The following FGF14 variants were observed in gnomAD, a reference collection of about 807,000 sequenced individuals.
FGF14 encodes fibroblast growth factor homologous factor 4.
Under a neutral mutation model 25.5 loss-of-function variants are expected in FGF14, and 5 were observed. That is an observed-to-expected ratio of 0.20 (90% CI 0.10 to 0.41). FGF14 has a LOEUF of 0.41. Among genes scored for constraint, FGF14 ranks in the 10% least tolerant of loss-of-function variants. The pLI is 1.00. For synonymous variants in FGF14, 138 were observed against 118.3 expected (o/e 1.17, Z -1.08); for missense variants, 222 against 320.1 (o/e 0.69, Z 2.34).
chr13:102,218,265 T>A (rs2050459513), intron 1 of FGF14, among the ~76,000 whole-genome samples: 1 of 151,980 alleles, frequency 6.6e-6, no homozygotes, highest in Non-Finnish European at 1.5e-5. Flanking sequence ...TTTCCTTCCA[T>A]CTGATTTGTT....
chr13:101,759,747 T>A (rs969466923), intron 3 of FGF14, among the ~76,000 whole-genome samples: 1 of 152,198 alleles, frequency 6.6e-6, no homozygotes, highest in African/African-American at 2.4e-5. Flanking sequence ...TTCTCAGTCC[T>A]TAAGATCCTG....
At chr13:102,001,526 T>A (rs542026047) in intron 1 of FGF14, among the ~76,000 whole-genome samples, 2 of 152,316 alleles carry the variant, frequency 1.3e-5, no homozygotes, top group African/African-American at 2.4e-5. Flanking sequence ...GGAGATCAAA[T>A]GATCCACATG....
intron 3 of FGF14, among the ~76,000 whole-genome samples, chr13:101,816,730 A>C (rs970864329): frequency 1.3e-5 from 2 of 152,168 alleles, no homozygotes; most frequent in Non-Finnish European, 2.9e-5. Flanking sequence ...ATCTGATTAT[A>C]AAATTCTAGG....
intron 1 of FGF14, among the ~76,000 whole-genome samples, chr13:102,089,947 G>C (rs55807694): frequency 1.3e-5 from 2 of 152,192 alleles, no homozygotes; most frequent in East Asian, 1.9e-4. Flanking sequence ...TCATTGTCAG[G>C]CCTTGTCTTT....
intron 3 of FGF14, among the ~76,000 whole-genome samples, chr13:101,825,867 G>A (rs1343494507): frequency 6.6e-6 from 1 of 152,038 alleles, no homozygotes; most frequent in African/African-American, 2.4e-5. Flanking sequence ...TTGTAAGGGG[G>A]TTGAATTTGA....
intron 3 of FGF14, among the ~76,000 whole-genome samples, chr13:101,816,096 C>T (rs1402282755): frequency 6.6e-6 from 1 of 151,198 alleles, no homozygotes; most frequent in African/African-American, 2.4e-5. Context: ...CGGTGAAACC[C>T]CGTTTCTACT....
At chr13:101,879,980 A>G (rs2138787239) in intron 1 of FGF14, among the ~76,000 whole-genome samples, 1 of 152,310 alleles carries the variant, frequency 6.6e-6, no homozygotes, top group South Asian at 2.1e-4. Context: ...TAGGGACACT[A>G]AGGAAAATGA....
At chr13:101,731,902 G>A (rs2035835556) in intron 3 of FGF14, among the ~76,000 whole-genome samples, 1 of 152,194 alleles carries the variant, frequency 6.6e-6, no homozygotes, top group Non-Finnish European at 1.5e-5. Flanking sequence ...GCGTGGTCGA[G>A]AAAGATCTTT....
intron 1 of FGF14, among the ~76,000 whole-genome samples, chr13:102,104,405 G>A (rs1180900826): frequency 6.6e-6 from 1 of 152,058 alleles, no homozygotes; most frequent in Non-Finnish European, 1.5e-5. Flanking sequence ...CTTGCCATAG[G>A]TCACACAATT....
At chr13:101,771,704 G>A (rs554775810) in intron 3 of FGF14, among the ~76,000 whole-genome samples, 14 of 152,110 alleles carry the variant, frequency 9.2e-5, no homozygotes, top group African/African-American at 2.9e-4. Context: ...AACATTTTTA[G>A]GTAAAACTTT....
intron 1 of FGF14, among the ~76,000 whole-genome samples, chr13:102,185,569 A>G (rs1410068058): frequency 6.6e-6 from 1 of 152,174 alleles, no homozygotes; most frequent in East Asian, 1.9e-4. Flanking sequence ...AAACTATATC[A>G]GATACAGGAT....
At chr13:102,023,269 T>C (rs1461628980) in intron 1 of FGF14, among the ~76,000 whole-genome samples, 1 of 151,946 alleles carries the variant, frequency 6.6e-6, no homozygotes, top group African/African-American at 2.4e-5. Context: ...CAAACCAATA[T>C]ATGAACTTAA....
At chr13:101,933,549 C>G (rs1262454331) in intron 1 of FGF14, among the ~76,000 whole-genome samples, 3 of 152,108 alleles carry the variant, frequency 2.0e-5, no homozygotes, top group Non-Finnish European at 4.4e-5. Flanking sequence ...CACAGTGAAA[C>G]CCTGTCTCTA....
chr13:102,189,011 A>AAAGAGG lies in FGF14; in HGVS notation c.208+212459_208+212460insCCTCTT, dbSNP rs2049005886. On this transcript the variant is annotated intron_variant, in intron 1 of 4. Coordinates refer to the FGF14 transcript ENST00000376131. ...AAGAAAGAAAGAAAGAAAGAAAGAG[A>AAAGAGG]AAGAATGAAAGAAGAAAAGAAAGAA... Among the ~76,000 whole-genome samples, 3 of 72,290 alleles carry AAAGAGG rather than the reference A, an allele frequency of 4.1e-5. No homozygotes were observed. In the East Asian group the frequency reaches 9.5e-4, roughly 23 times the overall value. 47.4% of individuals were successfully genotyped at this position (72,290 alleles called of 152,430 possible). A position where few individuals can be genotyped will look rare whatever the true frequency, so the allele number is the denominator to read the frequency against.
At chr13:101,733,410 C>T (rs949006470) in intron 3 of FGF14, among the ~76,000 whole-genome samples, 2 of 152,014 alleles carry the variant, frequency 1.3e-5, no homozygotes, top group Non-Finnish European at 2.9e-5. Flanking sequence ...TCCTGGCCAA[C>T]ATGGTGAAAC....
At chr13:102,351,426 A>T (rs2057276592) in intron 1 of FGF14, among the ~76,000 whole-genome samples, 1 of 152,202 alleles carries the variant, frequency 6.6e-6, no homozygotes, top group Non-Finnish European at 1.5e-5. Context: ...ATAGTTTTTC[A>T]TTGGAAATCT....
intron 1 of FGF14, among the ~76,000 whole-genome samples, chr13:102,186,526 C>T (rs1465289577): frequency 6.6e-6 from 1 of 152,018 alleles, no homozygotes; most frequent in African/African-American, 2.4e-5. Flanking sequence ...AAATCAATAA[C>T]ATTGATGTGA....
chr13:102,396,294 CTTGT>C (rs2058581726), intron 1 of FGF14, among the ~76,000 whole-genome samples: 2 of 152,178 alleles, frequency 1.3e-5, no homozygotes, highest in South Asian at 2.1e-4. Context: ...AGTGCAATGA[CTTGT>C]TTAACACTGA....
intron 1 of FGF14, among the ~76,000 whole-genome samples, chr13:102,023,650 T>C (rs2040784188): frequency 6.6e-6 from 1 of 152,088 alleles, no homozygotes; most frequent in Non-Finnish European, 1.5e-5. Flanking sequence ...TCTTTCTCTA[T>C]GAATTTGCCA....
Sources: allele counts gnomAD v4.1 joint callset (sites outside exome capture counted in the v4.1 genomes callset), GRCh38; gene constraint gnomAD v4.1.1; transcripts MANE v1.5; gene names NCBI Gene and HGNC (gene_info 2026-07-23, HGNC 2026-07-21).